BLOC1S6: variants seen among roughly 807,000 people sequenced by gnomAD.
BLOC1S6 encodes biogenesis of lysosome-related organelles complex 1 subunit 6.
Under a neutral mutation model 24.7 loss-of-function variants are expected in BLOC1S6, and 24 were observed. The ratio of observed to expected loss-of-function variants is 0.97; its 90% CI spans 0.70 to 1.37. The LOEUF is 1.37. BLOC1S6 is among the 40% of genes most tolerant of loss of function. The probability of loss-of-function intolerance (pLI) is 0.00; values close to 1 mark genes in which losing one functional copy is unlikely to be tolerated. For synonymous variants in BLOC1S6, 76 were observed against 72.6 expected, an observed-to-expected ratio of 1.05 and a Z score of -0.23; for missense variants, 175 against 196.2, an observed-to-expected ratio of 0.89 and a Z score of 0.64.
At chr15:45,592,336 A>G (rs1893919050) in intron 2 of BLOC1S6, 60 bp downstream of exon 2, 4 of 1,563,298 alleles carry the variant, frequency 2.6e-6, no homozygotes, top group Non-Finnish European at 3.5e-6. Context: ...CACAATTTGT[A>G]TAATTGTATA....
intron 1 of BLOC1S6, among the ~76,000 whole-genome samples, chr15:45,591,308 C>G (rs367569503): frequency 6.6e-6 from 1 of 152,102 alleles, no homozygotes; most frequent in South Asian, 2.1e-4. Context: ...TGAAAACATA[C>G]TTTATTTTAG....
chr15:45,591,805 AT>A (rs1390662065), intron 1 of BLOC1S6, among the ~76,000 whole-genome samples: 1 of 152,234 alleles, frequency 6.6e-6, no homozygotes, highest in Non-Finnish European at 1.5e-5. Flanking sequence ...ACTTAAAAAC[AT>A]TTTTTGAACA....
chr15:45,597,474 C>G (rs1894120298), intron 2 of BLOC1S6, among the ~76,000 whole-genome samples: 1 of 152,190 alleles, frequency 6.6e-6, no homozygotes, highest in Admixed American at 6.5e-5. Flanking sequence ...GAGACCCTAT[C>G]TGAACAACAA....
At position 45,587,470 on chromosome 15, in the gene BLOC1S6, G is replaced by A; in HGVS notation, c.27G>A (p.Pro9=). The A allele has an allele frequency of 6.3e-7, 1 of 1,582,822 alleles. No individual in the cohort carries two copies. The highest frequency in any genetic ancestry group is 8.6e-7 in the Non-Finnish European group (1 of 1,163,958). Residue 9 remains proline (P), a synonymous_variant, in exon 1 of 5, where the codon CCG becomes CCA. Transcript: ENST00000220531. MSVPGPSS[P]DGALTRPPYC... ...TGAGTGTCCCTGGGCCGTCGTCTCCGGACGGGGCCCTGACACGGCCACCCT... is the reference window on the plus strand; with the variant it reads ...TGAGTGTCCCTGGGCCGTCGTCTCCAGACGGGGCCCTGACACGGCCACCCT...
At chr15:45,601,178 GTCTC>G (rs1477751920) in intron 2 of BLOC1S6, 3 of 154,320 alleles carry the variant, frequency 1.9e-5, no homozygotes. Flanking sequence ...AGTGAATGTG[GTCTC>G]TCTTTCAAAA....
intron 1 of BLOC1S6, among the ~76,000 whole-genome samples, chr15:45,588,320 G>A (rs915927414): frequency 6.6e-6 from 1 of 152,102 alleles, no homozygotes; most frequent in African/African-American, 2.4e-5. Context: ...TTTGAAACTT[G>A]GGCCCCTCTC....
chr15:45,605,386 G>A (rs1243972576), intron 3 of BLOC1S6, 42 bp from the exon 4 acceptor site: 1 of 1,456,768 alleles, frequency 6.9e-7, no homozygotes, highest in African/African-American at 1.4e-5. Flanking sequence ...TGATATTTTA[G>A]TCTATTTTAA....
intron 2 of BLOC1S6, among the ~76,000 whole-genome samples, chr15:45,600,431 C>T (rs554853564): frequency 9.9e-5 from 15 of 152,214 alleles, no homozygotes; most frequent in African/African-American, 3.1e-4. Context: ...TAAATGTTAG[C>T]TGCAGGTTTT....
chr15:45,603,246 T>A lies in BLOC1S6; in HGVS notation c.312+59T>A, dbSNP rs565893319. 6 of 1,095,332 alleles carry A rather than the reference T, an allele frequency of 5.5e-6. No individual in the cohort carries two copies. In the African/African-American group the frequency reaches 1.4e-4, roughly 26 times the overall value. The allele number at this position is 1,095,332 out of a possible 1,614,324, so 67.9% of individuals were successfully genotyped here. ...ATCTTGTCTTAGCAATAGCTAAGAC[T>A]TAGCTAAGCAATAGCTAAGATTTTA... is the stretch of plus-strand genomic sequence containing the variant. On this transcript the variant is annotated intron_variant, in intron 3 of 4. Transcript: ENST00000220531.
chr15:45,605,311 G>A (rs910128938), intron 3 of BLOC1S6, 117 bp from the exon 4 acceptor site: 4 of 745,242 alleles, frequency 5.4e-6, no homozygotes, highest in Non-Finnish European at 9.1e-6. Flanking sequence ...AGATAAGGCT[G>A]TAAAAATTTT....
rs58509170 is a variant in BLOC1S6 at position 45,606,702 on chromosome 15, T to C, written c.*188T>C. ...CATGTTGCATGGTTTTTGATATTTA[T>C]ATGTAAGTTTTTCAAATTTTGCTTA... On this transcript the variant is annotated 3_prime_UTR_variant, in exon 5 of 5. Coordinates refer to ENST00000220531, the MANE Select transcript of BLOC1S6 (RefSeq NM_012388.4). 5,935 of 681,952 alleles carry C rather than the reference T, an allele frequency of 8.7e-3. 300 individuals carry two copies. In the African/African-American group the frequency reaches 0.099, roughly 11 times the overall value. The allele number at this position is 681,952 out of a possible 1,614,324, so 42.2% of individuals were successfully genotyped here. A position where few individuals can be genotyped will look rare whatever the true frequency, so the allele number is the denominator to read the frequency against.
intron 2 of BLOC1S6, among the ~76,000 whole-genome samples, chr15:45,593,796 C>T (rs924092776): frequency 7.2e-5 from 11 of 151,772 alleles, no homozygotes; most frequent in African/African-American, 2.4e-4. Context: ...TACTATATGC[C>T]CAGCACTTTA....
intron 2 of BLOC1S6, among the ~76,000 whole-genome samples, chr15:45,600,471 ATCC>A (rs1228326468): frequency 1.3e-5 from 2 of 152,314 alleles, no homozygotes; most frequent in African/African-American, 4.8e-5. Flanking sequence ...GTTGAGGAAG[ATCC>A]TCTCTCTTCC....
chr15:45,601,127 A>G, intron 2 of BLOC1S6: 1 of 154,056 alleles, frequency 6.5e-6, no homozygotes, highest in East Asian at 1.9e-4. Flanking sequence ...AACAACAATA[A>G]CTAATAATAA....
chr15:45,590,745 A>G (rs555255036), intron 1 of BLOC1S6, among the ~76,000 whole-genome samples: 1 of 152,310 alleles, frequency 6.6e-6, no homozygotes, highest in South Asian at 2.1e-4. Flanking sequence ...AATCTGTGGC[A>G]CAAATTGTAC....
At chr15:45,587,181 A>G, upstream of BLOC1S6, 2 of 546,788 alleles carry the variant, frequency 3.7e-6, no homozygotes, top group Non-Finnish European at 3.3e-6. Context: ...CACCAATCGG[A>G]TCGCAGGGAC....
At chr15:45,593,867 A>T (rs1893977084) in intron 2 of BLOC1S6, among the ~76,000 whole-genome samples, 1 of 152,166 alleles carries the variant, frequency 6.6e-6, no homozygotes, top group Admixed American at 6.6e-5. Context: ...CCTTATTTAC[A>T]ATTGAGGAAA....
At position 45,606,848 on chromosome 15, in the gene BLOC1S6, A is replaced by G. The variant is rs1190057519; in HGVS notation, c.*334A>G. 1 of 278,110 alleles carries G rather than the reference A, an allele frequency of 3.6e-6. No individual in the cohort carries two copies. The highest frequency in any genetic ancestry group is 6.8e-6 in the Non-Finnish European group (1 of 147,306). 17.2% of individuals were successfully genotyped at this position (278,110 alleles called of 1,614,324 possible). ...TGAATTTTTTAGCTTCTTAATGAAT[A>G]TGGATTTAAAACTCTCCAGTTCTTA... On this transcript the variant is annotated 3_prime_UTR_variant, in exon 5 of 5. Transcript: ENST00000220531.
intron 2 of BLOC1S6, among the ~76,000 whole-genome samples, chr15:45,593,309 TC>T (rs1265817528): frequency 1.4e-5 from 2 of 147,116 alleles, no homozygotes; most frequent in African/African-American, 5.0e-5. Context: ...TCGCTCGAAC[TC>T]AGGGGGCTGT....
Sources: allele counts gnomAD v4.1 joint callset (sites outside exome capture counted in the v4.1 genomes callset), GRCh38; gene constraint gnomAD v4.1.1; transcripts MANE v1.5; gene names NCBI Gene and HGNC (gene_info 2026-07-23, HGNC 2026-07-21).